The following NUP214 variants were observed in gnomAD, a reference collection of about 807,000 sequenced individuals.
NUP214 encodes nuclear pore complex protein Nup214.
In NUP214, 79 loss-of-function variants were observed where a neutral mutation model predicts 196.2. The ratio of observed to expected loss-of-function variants is 0.40; its 90% CI spans 0.34 to 0.49. The LOEUF is 0.49. Ranked by LOEUF, NUP214 falls within the 20% of genes least tolerant of loss-of-function variation. NUP214 has a pLI of 0.58. For missense variants in NUP214, 2,468 were observed against 2,539.0 expected (o/e 0.97, Z 0.60); for synonymous variants, 1,020 against 990.5 (o/e 1.03, Z -0.56).
chr9:131,223,714 TA>T (rs1351055419), intron 32 of NUP214, among the ~76,000 whole-genome samples: 2 of 15,910 alleles, frequency 1.3e-4, no homozygotes, highest in Non-Finnish European at 1.8e-4. Context: ...TTTTTATTTT[TA>T]TTTATTTATT....
At chr9:131,203,998 GT>G (rs1283897030) in intron 30 of NUP214, among the ~76,000 whole-genome samples, 2 of 152,200 alleles carry the variant, frequency 1.3e-5, no homozygotes. Context: ...GACTGATATG[GT>G]TCCAGAGTGA....
intron 33 of NUP214, chr9:131,229,668 T>A (rs745509600): frequency 2.0e-6 from 1 of 509,628 alleles, no homozygotes; most frequent in Non-Finnish European, 3.9e-6. Context: ...TCCAGGTCCC[T>A]GGCCATGAGC....
chr9:131,146,284 C>CA lies in NUP214; in HGVS notation c.1926dup (p.Val643SerfsTer93). 6.2e-7 allele frequency: 1 copy of CA among 1,614,194 alleles called. No homozygotes were observed. On this transcript the variant is annotated frameshift_variant, in exon 13 of 36. Coordinates refer to ENST00000359428, the MANE Select transcript of NUP214 (RefSeq NM_005085.4). LOFTEE classifies it high-confidence loss of function. This position sits in a 1 kb window ranked among gnomAD's most constrained non-coding sequence, Gnocchi z 4.6. ...CCTAGTTCCGTGCCATTGAAGTCCTCAGTCTTGCCCTCACCATCAGGTATG... is the reference window on the plus strand; with the variant it reads ...CCTAGTTCCGTGCCATTGAAGTCCTCAAGTCTTGCCCTCACCATCAGGTATG...
chr9:131,198,456 C>T lies in NUP214; in HGVS notation c.4962C>T (p.Ser1654=). 6.2e-7 allele frequency: 1 copy of T among 1,614,244 alleles called. No homozygotes were observed. Among genetic ancestry groups the T allele is most frequent in the East Asian group, 2.2e-5 (1 of 44,888 alleles). The change falls in exon 29 of 36, where the codon AGC becomes AGT. Residue 1654 remains serine (S), a synonymous_variant. Transcript: ENST00000359428. ...CTCAGCCTCCTGCTGCCAGTTCTAGCTCAGCTTTCAACCAGCTCACCAACA... is the reference window on the plus strand; with the variant it reads ...CTCAGCCTCCTGCTGCCAGTTCTAGTTCAGCTTTCAACCAGCTCACCAACA... The part of the protein sequence containing the change: ...VFAQPPAASS[S]SAFNQLTNNT...
At chr9:131,212,204 C>G (rs1035786372) in intron 30 of NUP214, among the ~76,000 whole-genome samples, 1 of 152,120 alleles carries the variant, frequency 6.6e-6, no homozygotes, top group African/African-American at 2.4e-5. Context: ...TTAGTCAGAC[C>G]GATTGTCTGC....
In NUP214 at chr9:131,198,294, T is replaced by C; in HGVS notation, c.4800T>C (p.Ala1600=). ...VPGQTAVTAA[A]ISSAGPVAVE... ...GGCAGACTGCTGTCACAGCAGCTGC[T>C]ATCTCAAGTGCAGGCCCTGTGGCCG... The change falls in exon 29 of 36, where the codon GCT becomes GCC. Residue 1600 remains alanine, a synonymous_variant. Coordinates refer to ENST00000359428, the MANE Select transcript of NUP214 (RefSeq NM_005085.4). 6.2e-7 allele frequency: 1 copy of C among 1,614,208 alleles called. No homozygotes were observed. Among genetic ancestry groups the C allele is most frequent in the South Asian group, 1.1e-5 (1 of 91,074 alleles).
In NUP214 at chr9:131,174,411, A is replaced by G. The variant is rs558935690; in HGVS notation, c.3157+93A>G. ...CTGGGTCTTATACTGTCACACCAAT[A>G]TGGTGGTTGGCTCCAGCCCACTTTT... On this transcript the variant is annotated intron_variant, in intron 22 of 35. Coordinates refer to ENST00000359428, the MANE Select transcript of NUP214 (RefSeq NM_005085.4). 2.2e-4 allele frequency: 161 copies of G among 733,614 alleles called. 2 individuals are homozygous for G. In the South Asian group the frequency reaches 3.0e-3, roughly 14 times the overall value. The allele number at this position is 733,614 out of a possible 1,614,324, so 45.4% of individuals were successfully genotyped here.
intron 32 of NUP214, among the ~76,000 whole-genome samples, chr9:131,224,272 A>G (rs915229393): frequency 6.6e-6 from 1 of 152,224 alleles, no homozygotes; most frequent in Non-Finnish European, 1.5e-5. Context: ...GTGTATGTTT[A>G]GATCTGAAAA....
chr9:131,126,978 T>C (rs957015747), intron 1 of NUP214: 1 of 152,232 alleles, frequency 6.6e-6, no homozygotes, highest in Non-Finnish European at 1.5e-5. Context: ...ACTTAGAAGA[T>C]GGTAATCTCG....
rs756955391 is a variant in NUP214 at position 131,198,449 on chromosome 9, G to A, written c.4955G>A (p.Ser1652Asn). 8 of 1,614,224 alleles carry A rather than the reference G, an allele frequency of 5.0e-6. No homozygotes were observed. Among genetic ancestry groups the A allele is most frequent in the South Asian group, 3.3e-5 (3 of 91,092 alleles). ...GTCTTTGCTCAGCCTCCTGCTGCCAGTTCTAGCTCAGCTTTCAACCAGCTC... is the reference window on the plus strand; with the variant it reads ...GTCTTTGCTCAGCCTCCTGCTGCCAATTCTAGCTCAGCTTTCAACCAGCTC... Reference protein sequence around the residue: ...SSVFAQPPAASSSSAFNQLTN... With the variant: ...SSVFAQPPAANSSSAFNQLTN... The change falls in exon 29 of 36, where the codon AGT becomes AAT. Residue 1652 changes from serine to asparagine, a missense_variant. By Grantham distance (46) the Ser-to-Asn change is conservative. This residue lies in a region of NUP214 where 1,801 missense variants were observed against 1,779.4 expected (regional missense o/e 1.01). Transcript: ENST00000359428.
Position 131,132,115 on chromosome 9 carries a change from CTTTCTTTT to C in NUP214, c.664-477_664-470del, listed in dbSNP as rs1359958185. ...TGCGTTCATGCGTTTCTTTTCTTTT[CTTTCTTTT>C]TTTTTTTTTTTTGGAGACCAAGTTT... On this transcript the variant is annotated intron_variant, in intron 5 of 35. Coordinates refer to ENST00000359428, the MANE Select transcript of NUP214 (RefSeq NM_005085.4). 4.8e-4 allele frequency among the ~76,000 whole-genome samples: 52 copies of C among 108,174 alleles called. 1 individual carries two copies. Among genetic ancestry groups the C allele is most frequent in the Middle Eastern group, 0.014 (2 of 140 alleles). 71.0% of individuals were successfully genotyped at this position (108,174 alleles called of 152,430 possible). A position where few individuals can be genotyped will look rare whatever the true frequency, so the allele number is the denominator to read the frequency against.
chr9:131,154,842 T>TGC (rs1554730825), intron 17 of NUP214, among the ~76,000 whole-genome samples: 4 of 149,584 alleles, frequency 2.7e-5, no homozygotes, highest in African/African-American at 7.3e-5. Context: ...TGTGTGTGTG[T>TGC]GCGCACGCGC....
chr9:131,229,636 C>G (rs546130617), intron 33 of NUP214: 3 of 484,738 alleles, frequency 6.2e-6, no homozygotes, highest in Non-Finnish European at 1.2e-5. Context: ...TATTAAATCT[C>G]CATAAGAGCC....
chr9:131,144,657 G>C lies in NUP214; in HGVS notation c.1672G>C (p.Glu558Gln). 2 of 1,614,152 alleles carry C rather than the reference G, an allele frequency of 1.2e-6. No individual in the cohort carries two copies. The highest frequency in any genetic ancestry group is 1.7e-6 in the Non-Finnish European group (2 of 1,180,032). Residue 558 changes from glutamate to glutamine, a missense_variant, in exon 12 of 36, where the codon GAA becomes CAA. By Grantham distance (29) the Glu-to-Gln change is conservative. This residue lies in a region of NUP214 where 1,801 missense variants were observed against 1,779.4 expected (regional missense o/e 1.01). Transcript: ENST00000359428. ...FGSSGFKPTL[E>Q]STPVPSVSAP... ...ATCATCTGGTTTTAAGCCTACCCTG[G>C]AAAGCACACCAGTGCCAAGTGTGTC...
intron 2 of NUP214, 53 bp downstream of exon 2, chr9:131,127,772 T>G (rs1831408149): frequency 7.5e-7 from 1 of 1,326,248 alleles, no homozygotes; most frequent in Non-Finnish European, 1.1e-6. Flanking sequence ...GGTGGCATGC[T>G]CTTGTGTTTC....
At chr9:131,139,965 A>G (rs1831857783) in intron 10 of NUP214, among the ~76,000 whole-genome samples, 1 of 152,242 alleles carries the variant, frequency 6.6e-6, no homozygotes, top group Non-Finnish European at 1.5e-5. Context: ...ACTTAAGTTT[A>G]GAGAGGTGTC....
Position 131,184,838 on chromosome 9 carries a change from A to G in NUP214, c.3420-2451A>G, listed in dbSNP as rs1272789895. 5.9e-5 allele frequency among the ~76,000 whole-genome samples: 9 copies of G among 152,254 alleles called. No individual in the cohort carries two copies. In the South Asian group the frequency reaches 6.2e-4, roughly 10 times the overall value. ...AGTTGGCAGTTATATTTCCATCGAC[A>G]GATGTCAAAAACGCCCAAGAATTGA... On this transcript the variant is annotated intron_variant, in intron 24 of 35. Coordinates refer to ENST00000359428, the MANE Select transcript of NUP214 (RefSeq NM_005085.4).
chr9:131,155,520 C>T (rs369191159), intron 17 of NUP214, among the ~76,000 whole-genome samples: 8 of 152,234 alleles, frequency 5.3e-5, no homozygotes, highest in East Asian at 1.9e-4. Context: ...TTGTTGCATT[C>T]GCTTTTGGAT....
At chr9:131,135,143 G>A in intron 8 of NUP214, 139 bp downstream of exon 8, 2 of 608,096 alleles carry the variant, frequency 3.3e-6, no homozygotes, top group Non-Finnish European at 5.7e-6. Flanking sequence ...AGGCTGGAGT[G>A]CAGTGGCACG....
Sources: allele counts gnomAD v4.1 joint callset (sites outside exome capture counted in the v4.1 genomes callset), GRCh38; gene constraint gnomAD v4.1.1; regional missense constraint gnomAD v4.1.1; non-coding constraint Gnocchi (gnomAD v3.1); transcripts MANE v1.5; gene names NCBI Gene and HGNC (gene_info 2026-07-23, HGNC 2026-07-21).